SGCZ: variants seen among roughly 807,000 people sequenced by gnomAD.
SGCZ encodes the protein zeta-sarcoglycan.
Under a neutral mutation model 41.3 loss-of-function variants are expected in SGCZ, and 40 were observed. The ratio of observed to expected loss-of-function variants is 0.97; its 90% confidence interval spans 0.75 to 1.26. The LOEUF (loss-of-function observed/expected upper bound fraction) is 1.26, where lower values mean the gene tolerates loss of function less well. Among genes scored for constraint, SGCZ ranks in the 50% most tolerant of loss-of-function variants. The probability of loss-of-function intolerance (pLI) is 0.00; values close to 1 mark genes in which losing one functional copy is unlikely to be tolerated. For missense variants in SGCZ, 552 were observed against 369.8 expected, an observed-to-expected ratio of 1.49 and a Z score of -4.04; for synonymous variants, 206 against 137.5, an observed-to-expected ratio of 1.50 and a Z score of -3.49.
At chr8:14,451,819 C>T (rs985289272) in intron 2 of SGCZ, among the ~76,000 whole-genome samples, 3 of 152,186 alleles carry the variant, frequency 2.0e-5, no homozygotes, top group African/African-American at 4.8e-5. Flanking sequence ...AAGTCCAGAA[C>T]ACTGACAACC....
chr8:14,814,606 T>G (rs62493308), intron 1 of SGCZ, among the ~76,000 whole-genome samples: 1 of 151,868 alleles, frequency 6.6e-6, no homozygotes, highest in African/African-American at 2.4e-5. Context: ...TACTTAAGTA[T>G]AGGATTATTT....
chr8:14,407,349 C>T (rs1489028399), intron 2 of SGCZ, among the ~76,000 whole-genome samples: 2 of 151,976 alleles, frequency 1.3e-5, no homozygotes, highest in Admixed American at 1.3e-4. Flanking sequence ...AAAAACTACA[C>T]TTTTAAAATA....
chr8:14,154,800 G>C (rs1803827267), intron 5 of SGCZ, among the ~76,000 whole-genome samples: 1 of 152,140 alleles, frequency 6.6e-6, no homozygotes, highest in Admixed American at 6.5e-5. Context: ...AGGAAACGGA[G>C]GTACATGGAT....
At chr8:14,589,273 G>C (rs916237449) in intron 1 of SGCZ, among the ~76,000 whole-genome samples, 7 of 151,720 alleles carry the variant, frequency 4.6e-5, no homozygotes, top group African/African-American at 7.3e-5. Context: ...TTGAATCTGG[G>C]AGGTGAGTGT....
chr8:14,537,794 T>A (rs1305249174), intron 2 of SGCZ, among the ~76,000 whole-genome samples: 1 of 151,948 alleles, frequency 6.6e-6, no homozygotes. Flanking sequence ...TTGTGAACGC[T>A]AAAGAGCTGT....
Position 15,237,679 on chromosome 8 carries a change from C to T in SGCZ, c.-56G>A, listed in dbSNP as rs190425604. 1 of 1,547,886 alleles carries T rather than the reference C, an allele frequency of 6.5e-7. No homozygotes were observed. Among genetic ancestry groups the T allele is most frequent in the African/African-American group, 1.4e-5 (1 of 73,224 alleles). On this transcript the variant is annotated 5_prime_UTR_variant, in exon 1 of 8. An upstream open reading frame in the 5' UTR loses its in-frame stop. Transcript: ENST00000382080. ...CGGGCGAGTGGCACCCAAAAACAAT[C>T]TAGTCTTTTAGTTTCCAGCTTAAAC... is the stretch of plus-strand genomic sequence containing the variant.
At chr8:14,840,474 G>A (rs1802865506) in intron 1 of SGCZ, among the ~76,000 whole-genome samples, 1 of 152,052 alleles carries the variant, frequency 6.6e-6, no homozygotes, top group Admixed American at 6.5e-5. Context: ...GCCAGGAAAA[G>A]CTGTGATTCA....
intron 2 of SGCZ, among the ~76,000 whole-genome samples, chr8:14,462,683 C>T (rs1026052929): frequency 6.6e-6 from 1 of 151,844 alleles, no homozygotes; most frequent in South Asian, 2.1e-4. Context: ...CTTTTTCAAG[C>T]TTGATTGTGC....
intron 1 of SGCZ, among the ~76,000 whole-genome samples, chr8:15,221,412 C>A (rs558426599): frequency 7.9e-5 from 12 of 152,246 alleles, no homozygotes; most frequent in Non-Finnish European, 1.2e-4. Context: ...CATCTCTGAT[C>A]TGCCTCATTC....
intron 2 of SGCZ, among the ~76,000 whole-genome samples, chr8:14,552,367 T>G (rs1373068981): frequency 6.6e-6 from 1 of 152,078 alleles, no homozygotes; most frequent in African/African-American, 2.4e-5. Flanking sequence ...ACAAAGAGTG[T>G]GTCACCTTAC....
chr8:14,535,913 C>T (rs1400047261), intron 2 of SGCZ, among the ~76,000 whole-genome samples: 1 of 151,770 alleles, frequency 6.6e-6, no homozygotes, highest in Non-Finnish European at 1.5e-5. Context: ...TGTGAGGGTA[C>T]ATGGGAACTC....
intron 2 of SGCZ, among the ~76,000 whole-genome samples, chr8:14,532,701 G>GGT (rs1362308373): frequency 7.9e-6 from 1 of 125,820 alleles, no homozygotes; most frequent in East Asian, 2.4e-4. Context: ...GTGAAAACTT[G>GGT]CTTTGTGTGT....
At chr8:14,512,042 T>C (rs1231544347) in intron 2 of SGCZ, among the ~76,000 whole-genome samples, 1 of 152,176 alleles carries the variant, frequency 6.6e-6, no homozygotes, top group African/African-American at 2.4e-5. Context: ...ATGTGAAATT[T>C]TCTAGACTAT....
At chr8:14,424,977 A>T (rs1433161205) in intron 2 of SGCZ, among the ~76,000 whole-genome samples, 1 of 152,236 alleles carries the variant, frequency 6.6e-6, no homozygotes, top group Non-Finnish European at 1.5e-5. Flanking sequence ...ATTGAGAAAA[A>T]TACGTAAATA....
At chr8:14,646,735 A>T (rs548140996) in intron 1 of SGCZ, among the ~76,000 whole-genome samples, 1 of 152,054 alleles carries the variant, frequency 6.6e-6, no homozygotes, top group East Asian at 1.9e-4. Flanking sequence ...TAAAAAAATG[A>T]CATTACTTAT....
intron 1 of SGCZ, among the ~76,000 whole-genome samples, chr8:15,226,994 T>A (rs1191389271): frequency 6.6e-6 from 1 of 152,126 alleles, no homozygotes; most frequent in Non-Finnish European, 1.5e-5. Context: ...GGGGCACACT[T>A]GACAGAGAAT....
At chr8:14,711,456 G>T (rs545092863) in intron 1 of SGCZ, among the ~76,000 whole-genome samples, 27 of 137,374 alleles carry the variant, frequency 2.0e-4, no homozygotes, top group Non-Finnish European at 2.7e-4. Flanking sequence ...AAAAAAAAAA[G>T]TTAGGCATGA....
intron 1 of SGCZ, among the ~76,000 whole-genome samples, chr8:14,878,516 T>C (rs1056983272): frequency 3.3e-5 from 5 of 152,148 alleles, no homozygotes; most frequent in South Asian, 4.1e-4. Flanking sequence ...TGATATCTGA[T>C]TGGCTACAAA....
At chr8:15,050,623 G>C (rs538798384) in intron 1 of SGCZ, among the ~76,000 whole-genome samples, 1 of 152,120 alleles carries the variant, frequency 6.6e-6, no homozygotes, top group African/African-American at 2.4e-5. Context: ...GTGATATTGA[G>C]AGTTTTCAAC....
Sources: gnomAD v4.1 joint callset for allele counts (sites outside exome capture counted in the v4.1 genomes callset) on GRCh38, gnomAD v4.1.1 for gene constraint, MANE v1.5 for transcripts, NCBI Gene and HGNC (gene_info 2026-07-23, HGNC 2026-07-21) for gene names.